Variants in SORCS2 observed in about 807,000 individuals in gnomAD.
The protein encoded by SORCS2 is sortilin related VPS10 domain containing receptor 2.
In SORCS2, 100 loss-of-function variants were observed where a neutral mutation model predicts 141.6. The observed-to-expected ratio is 0.71, with a 90% CI of 0.60 to 0.83. The LOEUF (loss-of-function observed/expected upper bound fraction) is 0.83, where lower values mean the gene tolerates loss of function less well. Among genes scored for constraint, SORCS2 ranks in the 40% least tolerant of loss-of-function variants. The pLI is 0.00. For missense variants in SORCS2, 1,646 were observed against 1,560.2 expected, an observed-to-expected ratio of 1.05 and a Z score of -0.93; for synonymous variants, 789 against 676.9, an observed-to-expected ratio of 1.17 and a Z score of -2.57.
rs532901262 is a variant in SORCS2 at position 7,455,814 on chromosome 4, C to T, written c.548+59459C>T. Among the ~76,000 whole-genome samples, 9 of 152,136 alleles carry T rather than the reference C, an allele frequency of 5.9e-5. No homozygotes were observed. The South Asian group carries it at 1.7e-3, about 28-fold the overall frequency. ...GGTCAGACGCAGTGTTAGGGTCAGG[C>T]TCTGTGTTGGGGTCATGCTCTGTAC... On this transcript the variant is annotated intron_variant, in intron 2 of 26. Transcript: ENST00000507866.
chr4:7,427,804 C>G (rs1171199431), intron 2 of SORCS2, among the ~76,000 whole-genome samples: 1 of 151,976 alleles, frequency 6.6e-6, no homozygotes, highest in Non-Finnish European at 1.5e-5. Flanking sequence ...GCACGGAGAG[C>G]CTTTCCTGAG....
At chr4:7,358,153 A>C (rs1235402363) in intron 1 of SORCS2, among the ~76,000 whole-genome samples, 1 of 152,234 alleles carries the variant, frequency 6.6e-6, no homozygotes, top group African/African-American at 2.4e-5. Flanking sequence ...TCCTAACAGC[A>C]GTGTAATTTC....
At chr4:7,723,593 G>A (rs1726747617) in intron 18 of SORCS2, 104 bp from the exon 19 acceptor site, 8 of 1,296,128 alleles carry the variant, frequency 6.2e-6, no homozygotes, top group Non-Finnish European at 8.9e-6. Flanking sequence ...GGAAGGGAGG[G>A]CGGCAATGAA....
At chr4:7,209,886 C>T (rs1031031036) in intron 1 of SORCS2, among the ~76,000 whole-genome samples, 6 of 152,168 alleles carry the variant, frequency 3.9e-5, no homozygotes, top group East Asian at 1.9e-4. Context: ...GAGCGACTCA[C>T]GTATTTAGCA....
At chr4:7,546,711 T>C (rs1289084290) in intron 3 of SORCS2, among the ~76,000 whole-genome samples, 1 of 152,174 alleles carries the variant, frequency 6.6e-6, no homozygotes, top group Non-Finnish European at 1.5e-5. Context: ...AGAGCACGTG[T>C]AGCCTGATTC....
intron 1 of SORCS2, among the ~76,000 whole-genome samples, chr4:7,389,500 A>G (rs1577487336): frequency 6.6e-6 from 1 of 152,260 alleles, no homozygotes; most frequent in East Asian, 1.9e-4. Flanking sequence ...GAAAGACCTC[A>G]CCAGGAGTGG....
chr4:7,692,727 C>T (rs975668769), intron 11 of SORCS2, among the ~76,000 whole-genome samples: 17 of 152,190 alleles, frequency 1.1e-4, no homozygotes, highest in Admixed American at 5.2e-4. Context: ...TCGATTCTTC[C>T]CTGGGGTTTG....
chr4:7,704,773 G>A (rs369379881), intron 14 of SORCS2, among the ~76,000 whole-genome samples: 1 of 152,218 alleles, frequency 6.6e-6, no homozygotes, highest in Non-Finnish European at 1.5e-5. Flanking sequence ...GGACAGTGGG[G>A]ACATGCGGCG....
At chr4:7,350,854 G>T (rs567609517) in intron 1 of SORCS2, among the ~76,000 whole-genome samples, 5 of 152,320 alleles carry the variant, frequency 3.3e-5, no homozygotes, top group Non-Finnish European at 5.9e-5. Context: ...ACCAGGGCGG[G>T]TCCCCTTCAT....
rs1577135125 is a variant in SORCS2, at chr4:7,733,234, C to G, written c.3109-88C>G. The G allele has an allele frequency of 3.0e-6, 3 of 984,866 alleles. No individual in the cohort carries two copies. The African/African-American group carries it at 5.0e-5, about 16-fold the overall frequency. The allele number at this position is 984,866 out of a possible 1,614,324, so 61.0% of individuals were successfully genotyped here. On this transcript the variant is annotated intron_variant, in intron 23 of 26. Transcript: ENST00000507866. ...CCCAACACGTGGAGACCCCTCACTC[C>G]CCTCCTGGAGGAGGACCCCATCCCC...
Position 7,565,536 on chromosome 4 carries a change from T to C in SORCS2, c.648+33907T>C, listed in dbSNP as rs74576906. 7.0e-3 allele frequency among the ~76,000 whole-genome samples: 1,063 copies of C among 152,292 alleles called. 3 individuals are homozygous for C. Among genetic ancestry groups the C allele is most frequent in the Non-Finnish European group, 0.011 (743 of 68,022 alleles). The stretch of plus-strand genomic sequence containing the variant: ...ATGATGATTATGATAAAGAAGATGA[T>C]GGTGACGTGATGATGATGATACCAA... On this transcript the variant is annotated intron_variant, in intron 3 of 26. Coordinates refer to ENST00000507866, the MANE Select transcript of SORCS2 (RefSeq NM_020777.3).
At chr4:7,406,973 C>G (rs140366884) in intron 2 of SORCS2, among the ~76,000 whole-genome samples, 1 of 152,000 alleles carries the variant, frequency 6.6e-6, no homozygotes, top group Non-Finnish European at 1.5e-5. Context: ...GTTTAATTTC[C>G]ATGTGTTTGT....
At chr4:7,289,220 G>A (rs1716446536) in intron 1 of SORCS2, among the ~76,000 whole-genome samples, 1 of 152,116 alleles carries the variant, frequency 6.6e-6, no homozygotes, top group African/African-American at 2.4e-5. Context: ...CTTCCCTGTG[G>A]CCCTCTGCAG....
intron 2 of SORCS2, among the ~76,000 whole-genome samples, chr4:7,436,864 T>C (rs1482037580): frequency 6.6e-6 from 1 of 152,216 alleles, no homozygotes. Flanking sequence ...CCTTCTCTGC[T>C]GGGTCTTATG....
chr4:7,552,102 A>G (rs1713755744), intron 3 of SORCS2, among the ~76,000 whole-genome samples: 1 of 152,224 alleles, frequency 6.6e-6, no homozygotes, highest in Non-Finnish European at 1.5e-5. Flanking sequence ...GTCCCATATC[A>G]ATTAGCCATT....
chr4:7,270,980 A>T (rs1025346723), intron 1 of SORCS2, among the ~76,000 whole-genome samples: 8 of 152,224 alleles, frequency 5.3e-5, no homozygotes, highest in African/African-American at 1.9e-4. Context: ...ATGCTGCTGT[A>T]TGCACTGGGC....
chr4:7,350,509 G>A (rs980795210), intron 1 of SORCS2, among the ~76,000 whole-genome samples: 2 of 152,232 alleles, frequency 1.3e-5, no homozygotes, highest in African/African-American at 4.8e-5. Flanking sequence ...AAAGGGCAGC[G>A]TGGCTGGGCC....
chr4:7,302,788 T>TGTGTGTGTGTGTGC (rs1165202122), intron 1 of SORCS2, among the ~76,000 whole-genome samples: 1 of 126,424 alleles, frequency 7.9e-6, no homozygotes, highest in Middle Eastern at 4.1e-3. Context: ...TGTGTGTGTG[T>TGTGTGTGTGTGTGC]GCGCGCGCGT....
intron 1 of SORCS2, among the ~76,000 whole-genome samples, chr4:7,358,623 C>G (rs898814986): frequency 6.6e-6 from 1 of 152,138 alleles, no homozygotes; most frequent in Non-Finnish European, 1.5e-5. Flanking sequence ...CTCTAAGTAG[C>G]GTTTCTATTT....
Sources: allele counts gnomAD v4.1 joint callset (sites outside exome capture counted in the v4.1 genomes callset), GRCh38; gene constraint gnomAD v4.1.1; transcripts MANE v1.5; gene names NCBI Gene and HGNC (gene_info 2026-07-23, HGNC 2026-07-21).